The following FAM135B variants were observed in gnomAD, a reference collection of about 807,000 sequenced individuals.
FAM135B encodes family with sequence similarity 135 member B.
In FAM135B, 43 loss-of-function variants were observed where a neutral mutation model predicts 127.7. That is an observed-to-expected ratio of 0.34 (90% CI 0.26 to 0.43). The LOEUF (loss-of-function observed/expected upper bound fraction) is 0.43, where lower values mean the gene tolerates loss of function less well. Among genes scored for constraint, FAM135B ranks in the 20% least tolerant of loss-of-function variants. FAM135B has a pLI of 1.00. For synonymous variants in FAM135B, 670 were observed against 665.1 expected (o/e 1.01, Z -0.11); for missense variants, 1,558 against 1,725.6 (o/e 0.90, Z 1.72).
intron 4 of FAM135B, among the ~76,000 whole-genome samples, chr8:138,262,220 A>G (rs932861890): frequency 6.6e-6 from 1 of 152,194 alleles, no homozygotes; most frequent in African/African-American, 2.4e-5. Flanking sequence ...GAAGGCTTTA[A>G]ATTGTCAGGG....
At chr8:138,279,625 GA>G (rs60475391) in intron 3 of FAM135B, among the ~76,000 whole-genome samples, 3,458 of 152,262 alleles carry the variant, frequency 0.023, 91 homozygotes, top group East Asian at 0.084. Flanking sequence ...AAGTAATCAT[GA>G]AAGATTAGAT....
At chr8:138,485,934 C>G (rs1814968069) in intron 1 of FAM135B, among the ~76,000 whole-genome samples, 1 of 152,004 alleles carries the variant, frequency 6.6e-6, no homozygotes, top group South Asian at 2.1e-4. Context: ...AGAAGAAAAG[C>G]TATCTGAGTA....
intron 3 of FAM135B, among the ~76,000 whole-genome samples, chr8:138,268,695 C>T (rs904569666): frequency 1.3e-5 from 2 of 152,142 alleles, no homozygotes; most frequent in African/African-American, 2.4e-5. Flanking sequence ...CACCCAGAGA[C>T]AGCAAAAGTA....
chr8:138,250,404 C>T (rs907586290), intron 6 of FAM135B, among the ~76,000 whole-genome samples: 4 of 152,074 alleles, frequency 2.6e-5, no homozygotes, highest in Non-Finnish European at 4.4e-5. Context: ...TACATTTGAA[C>T]AAATAACAAC....
intron 2 of FAM135B, among the ~76,000 whole-genome samples, chr8:138,352,509 C>T (rs1459407392): frequency 1.3e-5 from 2 of 152,142 alleles, no homozygotes; most frequent in East Asian, 3.9e-4. Context: ...GGCTGATGGA[C>T]CTTGGGTTCC....
chr8:138,390,281 T>G (rs1405674995), intron 1 of FAM135B, among the ~76,000 whole-genome samples: 1 of 152,174 alleles, frequency 6.6e-6, no homozygotes, highest in East Asian at 1.9e-4. Flanking sequence ...GAGGTTCACA[T>G]GAATCATAGG....
chr8:138,283,657 G>A (rs1411301833), intron 3 of FAM135B, among the ~76,000 whole-genome samples: 1 of 151,926 alleles, frequency 6.6e-6, no homozygotes, highest in Non-Finnish European at 1.5e-5. Flanking sequence ...CGCTCTAATG[G>A]GAGATGTTGA....
At chr8:138,185,351 C>A (rs780992629) in intron 9 of FAM135B, among the ~76,000 whole-genome samples, 2 of 152,102 alleles carry the variant, frequency 1.3e-5, no homozygotes, top group African/African-American at 4.8e-5. Context: ...CTCTTTACCC[C>A]CTTGAATTTG....
At chr8:138,313,836 C>G (rs2130908117) in intron 2 of FAM135B, among the ~76,000 whole-genome samples, 1 of 150,312 alleles carries the variant, frequency 6.7e-6, no homozygotes, top group Admixed American at 6.6e-5. Flanking sequence ...TGTTTTAGCC[C>G]CAAATGCAAC....
intron 7 of FAM135B, among the ~76,000 whole-genome samples, chr8:138,237,962 T>C (rs1000213458): frequency 2.0e-5 from 3 of 152,174 alleles, no homozygotes; most frequent in Admixed American, 2.0e-4. Flanking sequence ...TGCCCCCAAC[T>C]GGACCAGGCA....
chr8:138,264,842 C>T (rs1586918618), intron 4 of FAM135B, among the ~76,000 whole-genome samples: 1 of 152,134 alleles, frequency 6.6e-6, no homozygotes, highest in African/African-American at 2.4e-5. Flanking sequence ...CTGTTGTGCA[C>T]ACCACATGAG....
In FAM135B at chr8:138,145,988, G is replaced by T. The variant is rs757479302; in HGVS notation, c.3511C>A (p.Leu1171Met). 3.7e-6 allele frequency: 6 copies of T among 1,608,366 alleles called. No individual in the cohort carries two copies. The highest frequency in any genetic ancestry group is 3.4e-6 in the Non-Finnish European group (4 of 1,174,900). Residue 1171 changes from leucine to methionine, a missense_variant, in exon 15 of 20, where the codon CTG becomes ATG. By Grantham distance (15) the Leu-to-Met change is conservative (BLOSUM62 2). This residue lies in a region of FAM135B where 194 missense variants were observed against 333.8 expected (regional missense o/e 0.58). Coordinates refer to ENST00000395297, the MANE Select transcript of FAM135B (RefSeq NM_015912.4). Reference sequence around the variant, plus strand: ...TTCTTTTCAGACATTAGGAAGTCCAGTTTTCCTCCAGGGAGCCCCAGTTCT... The same window carrying T: ...TTCTTTTCAGACATTAGGAAGTCCATTTTTCCTCCAGGGAGCCCCAGTTCT... ...FIELGLPGGK[L>M]DFLMSEKNQM... is the part of the protein sequence containing the mutation.
intron 1 of FAM135B, among the ~76,000 whole-genome samples, chr8:138,466,961 G>A (rs1397793387): frequency 6.6e-6 from 1 of 152,174 alleles, no homozygotes; most frequent in Non-Finnish European, 1.5e-5. Context: ...TTAAGGAGGT[G>A]TGACAAGGTG....
intron 12 of FAM135B, among the ~76,000 whole-genome samples, chr8:138,161,497 C>CA (rs1198970781): frequency 1.3e-5 from 2 of 151,296 alleles, no homozygotes; most frequent in Admixed American, 6.6e-5. Context: ...ATACACCAAA[C>CA]AAAAAAAAGG....
intron 3 of FAM135B, among the ~76,000 whole-genome samples, chr8:138,306,897 T>C (rs1826304710): frequency 6.6e-6 from 1 of 152,170 alleles, no homozygotes; most frequent in Non-Finnish European, 1.5e-5. Flanking sequence ...GGCTGTATCA[T>C]TCTTTAAGGC....
rs1832232583 is a variant in FAM135B at position 138,386,585 on chromosome 8, T to A, written c.-19-18583A>T. ...CTTCAACTGTGGTATAGAATGAATT[T>A]GAAGTAGTACACTTTATTACACTTT... On this transcript the variant is annotated intron_variant, in intron 1 of 19. Coordinates refer to ENST00000395297, the MANE Select transcript of FAM135B (RefSeq NM_015912.4). Among the ~76,000 whole-genome samples, 3 of 152,334 alleles carry A rather than the reference T, an allele frequency of 2.0e-5. No individual in the cohort carries two copies. The South Asian group carries it at 6.2e-4, about 32-fold the overall frequency.
intron 9 of FAM135B, among the ~76,000 whole-genome samples, chr8:138,186,004 G>A: frequency 6.6e-6 from 1 of 152,108 alleles, no homozygotes; most frequent in Non-Finnish European, 1.5e-5. Flanking sequence ...GCTTCAGTCT[G>A]GTGGGCCCTT....
intron 1 of FAM135B, among the ~76,000 whole-genome samples, chr8:138,376,412 C>G (rs1347715021): frequency 6.6e-6 from 1 of 152,206 alleles, no homozygotes; most frequent in Non-Finnish European, 1.5e-5. Flanking sequence ...ATGTGCCTCT[C>G]TCTGCTCCAG....
At chr8:138,251,075 G>A (rs970586365) in intron 5 of FAM135B, 61 bp from the exon 6 acceptor site, 1 of 1,591,726 alleles carries the variant, frequency 6.3e-7, no homozygotes, top group Middle Eastern at 1.9e-4. Flanking sequence ...TGTCCTCCTA[G>A]CATGTCTGTA....
Sources: allele counts gnomAD v4.1 joint callset (sites outside exome capture counted in the v4.1 genomes callset), GRCh38; gene constraint gnomAD v4.1.1; regional missense constraint gnomAD v4.1.1; transcripts MANE v1.5; gene names NCBI Gene and HGNC (gene_info 2026-07-23, HGNC 2026-07-21).